The following DCAF1 variants were observed in gnomAD, a reference collection of about 807,000 sequenced individuals.
The protein encoded by DCAF1 is DDB1- and CUL4-associated factor 1.
A neutral mutation model predicts 128.0 loss-of-function variants in DCAF1; 15 were observed. The observed-to-expected ratio is 0.12, with a 90% CI of 0.08 to 0.18. The LOEUF is 0.18. Among genes scored for constraint, DCAF1 ranks in the 10% least tolerant of loss-of-function variants. The probability of loss-of-function intolerance (pLI) is 1.00; values close to 1 mark genes in which losing one functional copy is unlikely to be tolerated. For missense variants in DCAF1, 988 were observed against 1,649.5 expected, an observed-to-expected ratio of 0.60 and a Z score of 6.95; for synonymous variants, 610 against 603.0, an observed-to-expected ratio of 1.01 and a Z score of -0.17.
chr3:51,488,464 T>G (rs1707230159), intron 2 of DCAF1, among the ~76,000 whole-genome samples: 1 of 151,458 alleles, frequency 6.6e-6, no homozygotes, highest in African/African-American at 2.4e-5. Flanking sequence ...GATCATGAGG[T>G]CAGGAGTTCG....
At chr3:51,409,655 T>G (rs1698224031) in intron 23 of DCAF1, among the ~76,000 whole-genome samples, 2 of 152,204 alleles carry the variant, frequency 1.3e-5, no homozygotes, top group South Asian at 4.1e-4. Flanking sequence ...CCCATACCAT[T>G]GTAATGTACG....
intron 13 of DCAF1, among the ~76,000 whole-genome samples, chr3:51,423,555 C>T (rs1288615779): frequency 2.0e-5 from 3 of 150,104 alleles, no homozygotes; most frequent in Admixed American, 2.0e-4. Context: ...CAGTGGCTCA[C>T]GCCGGTAATC....
Position 51,400,860 on chromosome 3 carries a change from G to C in DCAF1, c.4466-2033C>G, listed in dbSNP as rs1437443019. 3.9e-5 allele frequency among the ~76,000 whole-genome samples: 6 copies of C among 152,026 alleles called. No individual in the cohort carries two copies. In the East Asian group the frequency reaches 1.2e-3, roughly 29 times the overall value. On this transcript the variant is annotated intron_variant, in intron 24 of 24. Coordinates refer to ENST00000684031, the MANE Select transcript of DCAF1 (RefSeq NM_001387579.1). ...TAAAGATCTCAGAATCAGGCCGGGTGCAGTGGCTGATGCCTGTATCCCAGC... is the reference window on the plus strand; with the variant it reads ...TAAAGATCTCAGAATCAGGCCGGGTCCAGTGGCTGATGCCTGTATCCCAGC...
chr3:51,477,101 C>G (rs545898792), intron 3 of DCAF1, among the ~76,000 whole-genome samples: 1 of 151,894 alleles, frequency 6.6e-6, no homozygotes, highest in South Asian at 2.1e-4. Flanking sequence ...CAAAAAAAAG[C>G]CCACTCGCAC....
intron 3 of DCAF1, among the ~76,000 whole-genome samples, chr3:51,483,404 T>C (rs1345334242): frequency 6.6e-6 from 1 of 150,662 alleles, no homozygotes; most frequent in Non-Finnish European, 1.5e-5. Flanking sequence ...CACACCATTG[T>C]ACTCCAGCCT....
intron 15 of DCAF1, 135 bp downstream of exon 15, chr3:51,419,599 A>G: frequency 1.4e-6 from 2 of 1,421,386 alleles, no homozygotes; most frequent in Non-Finnish European, 1.9e-6. Flanking sequence ...AAAAGGTGGT[A>G]CAATTACATT....
Position 51,420,923 on chromosome 3 carries a change from G to C in DCAF1, c.2047C>G (p.Gln683Glu), listed in dbSNP as rs782679043. Residue 683 changes from glutamine (Q) to glutamate (E), a missense_variant, in exon 15 of 25, where the codon CAG (glutamine) becomes GAG (glutamate). Gln to Glu is a conservative substitution (Grantham distance 29, BLOSUM62 2). This residue lies in a region of DCAF1 where 185 missense variants were observed against 248.1 expected (regional missense o/e 0.75). Coordinates refer to ENST00000684031, the MANE Select transcript of DCAF1 (RefSeq NM_001387579.1). The surrounding 1 kb of genome is among the most constrained non-coding windows in gnomAD (Gnocchi z 6.5). ...HDAEIQKSAL[Q>E]IIINCVCGPD... ...CCACACACACAATTGATGATAATCT[G>C]AAGTGCTGACTTCTGAATTTCAGCA... 2 of 1,613,964 alleles carry C rather than the reference G, an allele frequency of 1.2e-6. No individual in the cohort carries two copies. The highest frequency in any genetic ancestry group is 1.7e-6 in the Non-Finnish European group (2 of 1,179,890).
chr3:51,412,903 T>C, intron 22 of DCAF1, 90 bp downstream of exon 22: 1 of 1,555,460 alleles, frequency 6.4e-7, no homozygotes, highest in South Asian at 1.2e-5. Flanking sequence ...TGACTTTACA[T>C]CTTATATCAG....
At chr3:51,495,351 A>G (rs1708117918) in intron 2 of DCAF1, among the ~76,000 whole-genome samples, 1 of 151,536 alleles carries the variant, frequency 6.6e-6, no homozygotes. Flanking sequence ...ATAATAAAGA[A>G]TAAAAAAATA....
the DCAF1 span, among the ~76,000 whole-genome samples, chr3:51,505,086 A>T: frequency 1.3e-5 from 2 of 151,726 alleles, no homozygotes; most frequent in Non-Finnish European, 2.9e-5. Flanking sequence ...GCATGACAAA[A>T]CCCCATCTCT....
chr3:51,412,730 A>T (rs1415161061), intron 22 of DCAF1, among the ~76,000 whole-genome samples: 1 of 152,226 alleles, frequency 6.6e-6, no homozygotes, highest in Non-Finnish European at 1.5e-5. Flanking sequence ...AGAGATCCAG[A>T]TTCCTCTGAG....
chr3:51,482,218 G>C (rs1706287059), intron 3 of DCAF1, among the ~76,000 whole-genome samples: 1 of 151,854 alleles, frequency 6.6e-6, no homozygotes, highest in African/African-American at 2.4e-5. Context: ...GCCGAGACAG[G>C]AGGATTGCTT....
At chr3:51,401,162 A>T (rs2089669023) in intron 24 of DCAF1, among the ~76,000 whole-genome samples, 1 of 151,450 alleles carries the variant, frequency 6.6e-6, no homozygotes, top group African/African-American at 2.4e-5. Flanking sequence ...AAGATCTCAG[A>T]ATCAAGCTGT....
chr3:51,487,843 C>A (rs1307539283), intron 2 of DCAF1, among the ~76,000 whole-genome samples: 4 of 150,322 alleles, frequency 2.7e-5, no homozygotes, highest in African/African-American at 7.4e-5. Context: ...GCCCAGCCTA[C>A]CAAACTATTT....
At chr3:51,504,406 G>A (rs782527412), upstream of DCAF1, among the ~76,000 whole-genome samples, 10 of 151,960 alleles carry the variant, frequency 6.6e-5, no homozygotes, top group African/African-American at 1.2e-4. Flanking sequence ...GGAGTGCAGT[G>A]AAGCAATCTC....
intron 2 of DCAF1, among the ~76,000 whole-genome samples, chr3:51,490,393 T>C (rs962821289): frequency 6.6e-6 from 1 of 152,120 alleles, no homozygotes. Context: ...ATCGCACCAC[T>C]GCACTCTAGC....
At chr3:51,469,789 G>A (rs1553647842) in intron 4 of DCAF1, among the ~76,000 whole-genome samples, 1 of 152,016 alleles carries the variant, frequency 6.6e-6, no homozygotes, top group Non-Finnish European at 1.5e-5. Context: ...GGGAGGTGGA[G>A]GCGGGTGGAT....
intron 22 of DCAF1, 94 bp downstream of exon 22, chr3:51,412,899 T>C (rs973928747): frequency 6.5e-7 from 1 of 1,541,602 alleles, no homozygotes. Context: ...GTATTGACTT[T>C]ACATCTTATA....
rs1553623888 is a variant in DCAF1, at chr3:51,398,558, C to G, written c.*211G>C. 2 of 606,570 alleles carry G rather than the reference C, an allele frequency of 3.3e-6. No individual in the cohort carries two copies. Among genetic ancestry groups the G allele is most frequent in the Non-Finnish European group, 5.8e-6 (2 of 347,222 alleles). The allele number at this position is 606,570 out of a possible 1,614,324, so 37.6% of individuals were successfully genotyped here. On this transcript the variant is annotated 3_prime_UTR_variant, in exon 25 of 25. Coordinates refer to ENST00000684031, the MANE Select transcript of DCAF1 (RefSeq NM_001387579.1). ...GGATGTGGGGGGTGCAGAGTAGGGC[C>G]TAGTCCCTGTTGTCATTTTTGTGGT...
Sources: gnomAD v4.1 joint callset for allele counts (sites outside exome capture counted in the v4.1 genomes callset) on GRCh38, gnomAD v4.1.1 for gene constraint, gnomAD v4.1.1 regional missense constraint, Gnocchi (gnomAD v3.1) non-coding constraint, MANE v1.5 for transcripts, NCBI Gene and HGNC (gene_info 2026-07-23, HGNC 2026-07-21) for gene names.